Variants in ABCB11 observed in about 807,000 individuals in gnomAD.
ABCB11 encodes ATP binding cassette subfamily B member 11, also known as bile salt export pump.
Under a neutral mutation model 148.0 loss-of-function variants are expected in ABCB11, and 95 were observed. The ratio of observed to expected loss-of-function variants is 0.64; its 90% CI spans 0.54 to 0.76. The LOEUF (loss-of-function observed/expected upper bound fraction) is 0.76, where lower values mean the gene tolerates loss of function less well. ABCB11 is among the 30% of genes least tolerant of loss of function. ABCB11 has a pLI of 0.00. For missense variants in ABCB11, 1,523 were observed against 1,617.8 expected (o/e 0.94, Z 1.01); for synonymous variants, 591 against 555.4 (o/e 1.06, Z -0.90).
chr2:169,009,218 C>A (rs1208499527), intron 5 of ABCB11, among the ~76,000 whole-genome samples: 1 of 151,914 alleles, frequency 6.6e-6, no homozygotes, highest in East Asian at 1.9e-4. Flanking sequence ...CCCAGCCATC[C>A]CATTACTGGG....
chr2:168,961,992 C>CA (rs1693100158), intron 18 of ABCB11, among the ~76,000 whole-genome samples: 1 of 151,546 alleles, frequency 6.6e-6, no homozygotes, highest in Non-Finnish European at 1.5e-5. Flanking sequence ...TTTAAAATAC[C>CA]AAAACAGAGC....
chr2:169,016,438 C>A (rs995070801), intron 3 of ABCB11, among the ~76,000 whole-genome samples: 2 of 152,112 alleles, frequency 1.3e-5, no homozygotes, highest in Non-Finnish European at 2.9e-5. Flanking sequence ...CACTTTAGGT[C>A]TCTACTCTTT....
At chr2:168,990,711 G>T (rs1455588482) in intron 9 of ABCB11, 90 bp downstream of exon 9, 1 of 1,524,658 alleles carries the variant, frequency 6.6e-7, no homozygotes, top group East Asian at 2.3e-5. Flanking sequence ...ACAGACCAAG[G>T]TGGGTCTGCC....
chr2:168,966,193 C>T (rs965513757), intron 17 of ABCB11, among the ~76,000 whole-genome samples: 4 of 151,734 alleles, frequency 2.6e-5, no homozygotes, highest in African/African-American at 9.7e-5. Context: ...CTGGTGAGAA[C>T]AAGGTGCTTG....
downstream of ABCB11, among the ~76,000 whole-genome samples, chr2:168,918,304 C>T (rs1297258606): frequency 6.6e-6 from 1 of 152,182 alleles, no homozygotes; most frequent in Non-Finnish European, 1.5e-5. Flanking sequence ...GCAGTCTCTG[C>T]CCTCAAAGAC....
chr2:168,995,783 C>G (rs1439862759), intron 6 of ABCB11, among the ~76,000 whole-genome samples: 1 of 151,810 alleles, frequency 6.6e-6, no homozygotes, highest in Non-Finnish European at 1.5e-5. Flanking sequence ...TGAAAGAAGG[C>G]TCACAGCACC....
chr2:168,991,994 T>C (rs979511480), intron 8 of ABCB11, among the ~76,000 whole-genome samples: 1 of 151,510 alleles, frequency 6.6e-6, no homozygotes, highest in Non-Finnish European at 1.5e-5. Flanking sequence ...CATGCCACCA[T>C]GCCTGGCTAT....
In ABCB11 at chr2:168,958,462, T is replaced by C. The variant is rs564389465; in HGVS notation, c.2179-334A>G. 8.6e-5 allele frequency among the ~76,000 whole-genome samples: 13 copies of C among 151,860 alleles called. No individual in the cohort carries two copies. The South Asian group carries it at 1.0e-3, about 12-fold the overall frequency. On this transcript the variant is annotated intron_variant, in intron 18 of 27. Transcript: ENST00000650372. ...CCCATTAAAAAAAGAAAACCTTTGC[T>C]ACGGTTGTATTTATACCGGTGAGGA...
intron 23 of ABCB11, among the ~76,000 whole-genome samples, chr2:168,933,402 G>A (rs536882617): frequency 3.3e-5 from 5 of 152,226 alleles, no homozygotes; most frequent in South Asian, 2.1e-4. Context: ...CTTAATTAAC[G>A]AAAGAGTGAA....
intron 13 of ABCB11, among the ~76,000 whole-genome samples, chr2:168,972,591 T>C (rs1305791088): frequency 1.3e-5 from 2 of 152,070 alleles, no homozygotes; most frequent in Non-Finnish European, 2.9e-5. Flanking sequence ...CTATGATTTC[T>C]ATATATTCAG....
chr2:168,942,323 G>A (rs1692100222), intron 21 of ABCB11, among the ~76,000 whole-genome samples: 1 of 151,746 alleles, frequency 6.6e-6, no homozygotes, highest in Admixed American at 6.6e-5. Context: ...ATGTATGTGT[G>A]CATATGAATT....
intron 15 of ABCB11, 113 bp from the exon 16 acceptor site, chr2:168,969,664 T>C (rs892214664): frequency 4.2e-6 from 4 of 958,038 alleles, no homozygotes; most frequent in South Asian, 1.7e-5. Context: ...CTGGGAATAT[T>C]CTTAAATAGG....
At chr2:169,016,580 C>A (rs1342111493) in intron 3 of ABCB11, among the ~76,000 whole-genome samples, 198 bp downstream of exon 3, 1 of 151,958 alleles carries the variant, frequency 6.6e-6, no homozygotes, top group Non-Finnish European at 1.5e-5. Flanking sequence ...GACATTTGAA[C>A]CTAACCTAGA....
intron 2 of ABCB11, among the ~76,000 whole-genome samples, chr2:168,915,733 C>T (rs1690928597): frequency 6.6e-6 from 1 of 152,184 alleles, no homozygotes; most frequent in Non-Finnish European, 1.5e-5. Context: ...TTTTCTTTTA[C>T]CCAGGCTTTA....
chr2:168,958,353 G>A (rs1251761983), intron 18 of ABCB11, among the ~76,000 whole-genome samples: 1 of 151,640 alleles, frequency 6.6e-6, no homozygotes, highest in South Asian at 2.1e-4. Context: ...ATTTGAAGGT[G>A]AGCTTATAGT....
chr2:168,992,270 G>C (rs888990638), intron 8 of ABCB11, among the ~76,000 whole-genome samples: 4 of 152,058 alleles, frequency 2.6e-5, no homozygotes, highest in African/African-American at 9.7e-5. Context: ...GAGATGACTA[G>C]AGAAACTAAG....
At chr2:168,982,890 A>G (rs1323250589) in intron 10 of ABCB11, among the ~76,000 whole-genome samples, 1 of 152,192 alleles carries the variant, frequency 6.6e-6, no homozygotes, top group East Asian at 1.9e-4. Context: ...AGAGGCTTAC[A>G]GAAAGACGTT....
chr2:168,955,634 C>A (rs922483246), intron 19 of ABCB11, among the ~76,000 whole-genome samples: 2 of 151,354 alleles, frequency 1.3e-5, no homozygotes, highest in Non-Finnish European at 3.0e-5. Flanking sequence ...CATATCATTC[C>A]GCCCCTGACC....
intron 5 of ABCB11, among the ~76,000 whole-genome samples, chr2:168,998,417 A>T (rs1212508489): frequency 1.3e-5 from 2 of 152,056 alleles, no homozygotes; most frequent in Non-Finnish European, 2.9e-5. Context: ...TAATACATTG[A>T]CTATTTCAAA....
Sources: gnomAD v4.1 joint callset for allele counts (sites outside exome capture counted in the v4.1 genomes callset) on GRCh38, gnomAD v4.1.1 for gene constraint, MANE v1.5 for transcripts, NCBI Gene and HGNC (gene_info 2026-07-23, HGNC 2026-07-21) for gene names.